GBP3: variants seen among roughly 807,000 people sequenced by gnomAD.
GBP3 encodes the protein guanylate-binding protein 3.
A neutral mutation model predicts 62.4 loss-of-function variants in GBP3; 55 were observed. That is an observed-to-expected ratio of 0.88 (90% confidence interval 0.71 to 1.10). The LOEUF (loss-of-function observed/expected upper bound fraction) is 1.10. Among genes scored for constraint, GBP3 ranks in the 50% least tolerant of loss-of-function variants. GBP3 has a pLI of 0.00. For missense variants in GBP3, 605 were observed against 690.6 expected, an observed-to-expected ratio of 0.88 and a Z score of 1.39; for synonymous variants, 208 against 259.2, an observed-to-expected ratio of 0.80 and a Z score of 1.90.
At chr1:89,013,633 A>T in intron 5 of GBP3, 1 of 575,338 alleles carries the variant, frequency 1.7e-6, no homozygotes, top group Non-Finnish European at 3.0e-6. Flanking sequence ...GACAGCTGGC[A>T]GGCAGAATTG....
intron 5 of GBP3, 36 bp from the exon 6 acceptor site, chr1:89,013,463 A>C (rs932480205): frequency 1.3e-6 from 2 of 1,579,820 alleles, no homozygotes; most frequent in South Asian, 2.3e-5. Flanking sequence ...GCCTAATATA[A>C]GTGTTTCCGT....
rs1335463481 is a variant in GBP3, at chr1:89,014,230, C to T, written c.478G>A (p.Glu160Lys). 1 of 1,614,052 alleles carries T rather than the reference C, an allele frequency of 6.2e-7. No homozygotes were observed. Among genetic ancestry groups the T allele is most frequent in the Admixed American group, 1.7e-5 (1 of 60,004 alleles). ...TCAGCTGAATCCTCATTCTCATTCT[C>T]ATCAGGTGAGGATTTTGATCGGATT... Reference protein sequence around the residue: ...HRIRSKSSPDENENEDSADFV... With the variant: ...HRIRSKSSPDKNENEDSADFV... The change falls in exon 5 of 11, where the codon GAG (glutamate) becomes AAG (lysine). Residue 160 changes from glutamate (E) to lysine (K), a missense_variant. By Grantham distance (56) the Glu-to-Lys change is moderately conservative. Around this residue, in one of 3 missense-constraint regions of GBP3, gnomAD observed 308 missense variants for 318.0 expected, o/e 0.97. Transcript: ENST00000370481.
intron 5 of GBP3, chr1:89,013,851 A>G (rs1209075058): frequency 3.9e-6 from 2 of 508,182 alleles, no homozygotes; most frequent in African/African-American, 3.9e-5. Flanking sequence ...AGAACACAGG[A>G]GAATATAATT....
chr1:89,007,648 T>C lies in GBP3; in HGVS notation c.*76A>G, dbSNP rs1204481237. On this transcript the variant is annotated 3_prime_UTR_variant, in exon 11 of 11. Coordinates refer to ENST00000370481, the MANE Select transcript of GBP3 (RefSeq NM_018284.3). ...GATGCAAGATCTAATTATTATCAAA[T>C]ATAGTGACACTTGTTCCAAATTCTA... 1 of 1,347,918 alleles carries C rather than the reference T, an allele frequency of 7.4e-7. No homozygotes were observed. The highest frequency in any genetic ancestry group is 1.5e-5 in the African/African-American group (1 of 68,242). The allele number at this position is 1,347,918 out of a possible 1,614,324, so 83.5% of individuals were successfully genotyped here. A position where few individuals can be genotyped will look rare whatever the true frequency, so the allele number is the denominator to read the frequency against.
At position 89,011,144 on chromosome 1, in the gene GBP3, G is replaced by T. The variant is rs1678547061; in HGVS notation, c.1150-28C>A. 1.4e-6 allele frequency: 2 copies of T among 1,460,760 alleles called. 1 individual carries two copies. Among genetic ancestry groups the T allele is most frequent in the Non-Finnish European group, 1.9e-6 (2 of 1,054,600 alleles). The allele number at this position is 1,460,760 out of a possible 1,614,324, so 90.5% of individuals were successfully genotyped here. A position where few individuals can be genotyped will look rare whatever the true frequency, so the allele number is the denominator to read the frequency against. On this transcript the variant is annotated intron_variant, in intron 7 of 10. Coordinates refer to ENST00000370481, the MANE Select transcript of GBP3 (RefSeq NM_018284.3). Reference sequence around the variant, plus strand: ...TTAATGTAAAAATAGGAAGTAAAAAGAGTAACAGGGAAAGGATGTTAGCTT... The same window carrying T: ...TTAATGTAAAAATAGGAAGTAAAAATAGTAACAGGGAAAGGATGTTAGCTT...
intron 2 of GBP3, chr1:89,020,173 A>G: frequency 4.8e-6 from 2 of 416,704 alleles, no homozygotes; most frequent in South Asian, 3.6e-5. Context: ...CAGGAAGTCA[A>G]GACTGTGGTG....
rs1338423186 is a variant in GBP3, at chr1:89,013,466, G to A, written c.626-39C>T. On this transcript the variant is annotated intron_variant, in intron 5 of 10. Coordinates refer to ENST00000370481, the MANE Select transcript of GBP3 (RefSeq NM_018284.3). ...ATAAAGAAATTTGCCTAATATAAGT[G>A]TTTCCGTAAAGCGTCAAATAGTAAA... The A allele has an allele frequency of 1.9e-6, 3 of 1,575,336 alleles. No individual in the cohort carries two copies. In the South Asian group the frequency reaches 3.5e-5, roughly 19 times the overall value.
chr1:89,011,210 C>A, intron 7 of GBP3, 94 bp from the exon 8 acceptor site: 1 of 1,384,510 alleles, frequency 7.2e-7, no homozygotes, highest in South Asian at 1.2e-5. Context: ...AATAAACAGT[C>A]AATGATGCCG....
rs146229731 is a variant in GBP3 at position 89,021,788 on chromosome 1, T to TGAGAGAGAGAGAGAGAGAGAGA, written c.-23+874_-23+895dup. 2.8e-4 allele frequency among the ~76,000 whole-genome samples: 18 copies of TGAGAGAGAGAGAGAGAGAGAGA among 65,360 alleles called. 2 individuals carry two copies. Among genetic ancestry groups the TGAGAGAGAGAGAGAGAGAGAGA allele is most frequent in the East Asian group, 9.4e-4 (2 of 2,136 alleles). The allele number at this position is 65,360 out of a possible 152,430, so 42.9% of individuals were successfully genotyped here. A position where few individuals can be genotyped will look rare whatever the true frequency, so the allele number is the denominator to read the frequency against. ...GGACGAGGAGAAAGGGCTGGAAAGA[T>TGAGAGAGAGAGAGAGAGAGAGA]GAGAGAGAGAGAGAGAGAGAGAGAG... On this transcript the variant is annotated intron_variant, in intron 1 of 10. Transcript: ENST00000370481.
At chr1:89,011,693 GTA>G (rs1678575807) in intron 7 of GBP3, 52 bp downstream of exon 7, 1 of 1,441,632 alleles carries the variant, frequency 6.9e-7, no homozygotes, top group Non-Finnish European at 9.6e-7. Flanking sequence ...TCATTTCTTA[GTA>G]GTACTTTGCC....
Position 89,013,292 on chromosome 1 carries a change from T to C in GBP3, c.761A>G (p.Glu254Gly), listed in dbSNP as rs762195381. ...TTGCACAAATTCAGGGTCCAGCTCT[T>C]CATCTTGTAGTTTCTCAAGCTGGGC... is the stretch of plus-strand genomic sequence containing the variant. ...KLAQLEKLQD[E>G]ELDPEFVQQV... The change falls in exon 6 of 11, where the codon GAA becomes GGA. Residue 254 changes from glutamate to glycine, a missense_variant. Glu to Gly is a moderately conservative substitution (Grantham distance 98). Coordinates refer to ENST00000370481, the MANE Select transcript of GBP3 (RefSeq NM_018284.3). 5.0e-6 allele frequency: 8 copies of C among 1,614,122 alleles called. No homozygotes were observed. The highest frequency in any genetic ancestry group is 5.9e-6 in the Non-Finnish European group (7 of 1,180,048).
intron 8 of GBP3, 107 bp from the exon 9 acceptor site, chr1:89,009,601 T>G: frequency 6.8e-7 from 1 of 1,477,006 alleles, no homozygotes; most frequent in Non-Finnish European, 9.2e-7. Flanking sequence ...CTCTTGGCCC[T>G]GGTGTGCCTG....
intron 2 of GBP3, among the ~76,000 whole-genome samples, chr1:89,015,900 C>T (rs12121223): frequency 0.24 from 35,858 of 152,008 alleles, 5,041 homozygotes; most frequent in Non-Finnish European, 0.32. Context: ...AAGATGCCCA[C>T]TTTTGCCACT....
rs751639388 is a variant in GBP3, at chr1:89,021,510, G to GCGCACACACACACA, written c.-22-768_-22-767insTGTGTGTGTGTGCG. The stretch of plus-strand genomic sequence containing the variant: ...CTAAGAAACACGCATGCGCGCGCGC[G>GCGCACACACACACA]CACACACACACACACACACACACAC... On this transcript the variant is annotated intron_variant, in intron 1 of 10. Coordinates refer to ENST00000370481, the MANE Select transcript of GBP3 (RefSeq NM_018284.3). Among the ~76,000 whole-genome samples the GCGCACACACACACA allele has an allele frequency of 8.1e-3, 1,065 of 131,684 alleles. 17 individuals carry two copies. Among genetic ancestry groups the GCGCACACACACACA allele is most frequent in the African/African-American group, 0.03 (988 of 33,240 alleles). The allele number at this position is 131,684 out of a possible 152,430, so 86.4% of individuals were successfully genotyped here.
Position 89,007,579 on chromosome 1 carries a change from T to C in GBP3, c.*145A>G. 1 of 764,904 alleles carries C rather than the reference T, an allele frequency of 1.3e-6. No homozygotes were observed. Among genetic ancestry groups the C allele is most frequent in the Non-Finnish European group, 2.1e-6 (1 of 472,380 alleles). The allele number at this position is 764,904 out of a possible 1,614,324, so 47.4% of individuals were successfully genotyped here. A position where few individuals can be genotyped will look rare whatever the true frequency, so the allele number is the denominator to read the frequency against. ...CAATCTTTTTAAGGAAAAAACATGATTTTGATCATTGAACTGCATGTTCTT... is the reference window on the plus strand; with the variant it reads ...CAATCTTTTTAAGGAAAAAACATGACTTTGATCATTGAACTGCATGTTCTT... On this transcript the variant is annotated 3_prime_UTR_variant, in exon 11 of 11. Transcript: ENST00000370481.
At chr1:89,021,510 G>GCGCGCACGCACA (rs751639388) in intron 1 of GBP3, among the ~76,000 whole-genome samples, 3 of 131,668 alleles carry the variant, frequency 2.3e-5, no homozygotes, top group African/African-American at 9.0e-5. Flanking sequence ...GCGCGCGCGC[G>GCGCGCACGCACA]CACACACACA....
In GBP3 at chr1:89,014,281, T is replaced by C; in HGVS notation, c.429-2A>G. 3 of 1,614,154 alleles carry C rather than the reference T, an allele frequency of 1.9e-6. No homozygotes were observed. Among genetic ancestry groups the C allele is most frequent in the Non-Finnish European group, 2.5e-6 (3 of 1,179,968 alleles). Reference sequence around the variant, plus strand: ...CGATGTGTCAGCTCTGTCACATAGCTGAGTAGCTAACTAAGGAAATGTGAC... The same window carrying C: ...CGATGTGTCAGCTCTGTCACATAGCCGAGTAGCTAACTAAGGAAATGTGAC... On this transcript the variant is annotated splice_acceptor_variant, in intron 4 of 10. Coordinates refer to ENST00000370481, the MANE Select transcript of GBP3 (RefSeq NM_018284.3). LOFTEE classifies it high-confidence loss of function.
At chr1:89,014,417 C>T in intron 4 of GBP3, 130 bp downstream of exon 4, 1 of 1,595,050 alleles carries the variant, frequency 6.3e-7, no homozygotes, top group South Asian at 1.1e-5. Context: ...GGGATCTCTC[C>T]TCTGTACTTG....
At chr1:89,022,363 C>G (rs527245749) in intron 1 of GBP3, among the ~76,000 whole-genome samples, 2 of 152,318 alleles carry the variant, frequency 1.3e-5, no homozygotes, top group South Asian at 4.1e-4. Flanking sequence ...AATCATGTCC[C>G]TAGTCAACAC....
Sources: gnomAD v4.1 joint callset for allele counts (sites outside exome capture counted in the v4.1 genomes callset) on GRCh38, gnomAD v4.1.1 for gene constraint, gnomAD v4.1.1 regional missense constraint, MANE v1.5 for transcripts, NCBI Gene and HGNC (gene_info 2026-07-23, HGNC 2026-07-21) for gene names.